LRRC8B: variants seen among roughly 807,000 people sequenced by gnomAD.
LRRC8B encodes volume-regulated anion channel subunit LRRC8B.
LRRC8B carries 23 observed loss-of-function variants against 58.8 expected under a neutral mutation model. The ratio of observed to expected loss-of-function variants is 0.39; its 90% CI spans 0.28 to 0.55. The LOEUF (loss-of-function observed/expected upper bound fraction) is 0.55, where lower values mean the gene tolerates loss of function less well. LRRC8B is among the 20% of genes least tolerant of loss of function. The pLI is 0.62. For missense variants in LRRC8B, 694 were observed against 936.0 expected (o/e 0.74, Z 3.37); for synonymous variants, 359 against 374.1 (o/e 0.96, Z 0.47).
At chr1:89,535,669 C>A (rs1254868032) in intron 1 of LRRC8B, among the ~76,000 whole-genome samples, 1 of 152,060 alleles carries the variant, frequency 6.6e-6, no homozygotes, top group African/African-American at 2.4e-5. Context: ...GTACACAATT[C>A]TTTGATACCC....
chr1:89,560,866 T>C (rs1570601792), intron 1 of LRRC8B, among the ~76,000 whole-genome samples: 2 of 152,252 alleles, frequency 1.3e-5, no homozygotes, highest in African/African-American at 4.8e-5. Context: ...TGTGTCTTTA[T>C]AGCAGCATGA....
intron 1 of LRRC8B, among the ~76,000 whole-genome samples, chr1:89,567,464 A>G (rs1653127719): frequency 6.6e-6 from 1 of 152,244 alleles, no homozygotes; most frequent in South Asian, 2.1e-4. Flanking sequence ...AATGTTAAAT[A>G]GGAGAGAGGA....
intron 4 of LRRC8B, among the ~76,000 whole-genome samples, chr1:89,582,195 C>A (rs560308958): frequency 4.7e-5 from 7 of 148,936 alleles, no homozygotes; most frequent in African/African-American, 1.5e-4. Context: ...AGTCTGAGGC[C>A]TGTGAGACCC....
intron 1 of LRRC8B, among the ~76,000 whole-genome samples, chr1:89,559,603 CA>C (rs1204800773): frequency 0.033 from 4,392 of 131,194 alleles, 226 homozygotes; most frequent in African/African-American, 0.11. Flanking sequence ...GACCCTGTCT[CA>C]AAAAAAAAAA....
chr1:89,573,375 CAG>C (rs1337959121), intron 3 of LRRC8B, among the ~76,000 whole-genome samples: 3 of 151,104 alleles, frequency 2.0e-5, no homozygotes, highest in Non-Finnish European at 4.4e-5. Context: ...TTAATTCACT[CAG>C]TAACTTTTTT....
intron 3 of LRRC8B, among the ~76,000 whole-genome samples, chr1:89,572,819 A>G (rs529265934): frequency 2.6e-4 from 40 of 152,236 alleles, no homozygotes; most frequent in Non-Finnish European, 5.7e-4. Flanking sequence ...TGTTAATATT[A>G]CAAGAATATG....
chr1:89,579,203 A>G (rs898092359), intron 3 of LRRC8B, among the ~76,000 whole-genome samples: 1 of 152,236 alleles, frequency 6.6e-6, no homozygotes, highest in African/African-American at 2.4e-5. Flanking sequence ...TACTTAGAAA[A>G]GCTGTGTTCA....
rs765404472 is a variant in LRRC8B, at chr1:89,584,404, T to G, written c.1754T>G (p.Val585Gly). 9.3e-6 allele frequency: 15 copies of G among 1,613,978 alleles called. No homozygotes were observed. Among genetic ancestry groups the G allele is most frequent in the Non-Finnish European group, 1.0e-5 (12 of 1,180,036 alleles). The change falls in exon 5 of 6, where the codon GTC becomes GGC. Residue 585 changes from valine (V) to glycine (G), a missense_variant. By Grantham distance (109) the Val-to-Gly change is moderately radical. Coordinates refer to ENST00000330947, the MANE Select transcript of LRRC8B (RefSeq NM_001369817.2). ...GTGTTGAACAACTTGAAAAAGATGG[T>G]CAATCTGAAAAGCCTAGAACTGATC... ...LVVLNNLKKMVNLKSLELISC... is the reference protein window; with the variant it reads ...LVVLNNLKKMGNLKSLELISC...
In LRRC8B at chr1:89,582,960, T is replaced by A; in HGVS notation, c.310T>A (p.Tyr104Asn). 6.2e-7 allele frequency: 1 copy of A among 1,614,234 alleles called. No individual in the cohort carries two copies. Among genetic ancestry groups the A allele is most frequent in the Non-Finnish European group, 8.5e-7 (1 of 1,180,038 alleles). ...QNDLHRQQYSYIDAVCYEKQL... is the reference protein window; with the variant it reads ...QNDLHRQQYSNIDAVCYEKQL... ...TGACCTCCACCGACAGCAGTACTCC[T>A]ATATTGATGCCGTCTGTTACGAGAA... Residue 104 changes from tyrosine to asparagine, a missense_variant, in exon 5 of 6, where the codon TAT (tyrosine) becomes AAT (asparagine). Coordinates refer to ENST00000330947, the MANE Select transcript of LRRC8B (RefSeq NM_001369817.2).
intron 1 of LRRC8B, among the ~76,000 whole-genome samples, chr1:89,562,689 T>G (rs1652771994): frequency 6.6e-6 from 1 of 152,152 alleles, no homozygotes; most frequent in African/African-American, 2.4e-5. Context: ...CAAGCTAGTC[T>G]CAAACTCCTG....
rs1442568909 is a variant in LRRC8B, at chr1:89,539,845, C to CT, written c.-241+14825dup. On this transcript the variant is annotated intron_variant, in intron 1 of 5. Transcript: ENST00000330947. ...AAAAATAAATCTGGATTACTAATAA[C>CT]TTGCAATATTTGCTCCTGGCCATTG... Among the ~76,000 whole-genome samples, 10 of 152,296 alleles carry CT rather than the reference C, an allele frequency of 6.6e-5. No individual in the cohort carries two copies. In the East Asian group the frequency reaches 1.7e-3, roughly 26 times the overall value.
chr1:89,546,143 T>C (rs1039490831), intron 1 of LRRC8B, among the ~76,000 whole-genome samples: 3 of 152,152 alleles, frequency 2.0e-5, no homozygotes, highest in Non-Finnish European at 2.9e-5. Context: ...ATAGAGAGCA[T>C]GTTCAAAGGC....
At chr1:89,592,215 T>C (rs577127914) in intron 5 of LRRC8B, among the ~76,000 whole-genome samples, 1 of 152,278 alleles carries the variant, frequency 6.6e-6, no homozygotes, top group East Asian at 1.9e-4. Context: ...CAGGTGTATG[T>C]GTATGTAGAG....
intron 1 of LRRC8B, among the ~76,000 whole-genome samples, chr1:89,526,311 T>A (rs1413448225): frequency 1.4e-4 from 21 of 152,124 alleles, no homozygotes; most frequent in Admixed American, 1.4e-3. Context: ...ACCTCCTGGG[T>A]TCAAGTGATT....
chr1:89,542,712 A>T (rs1224118109), intron 1 of LRRC8B, among the ~76,000 whole-genome samples: 2 of 152,252 alleles, frequency 1.3e-5, no homozygotes, highest in African/African-American at 4.8e-5. Context: ...AGAAAATCTC[A>T]TGGGGTTGTT....
At chr1:89,525,441 G>A (rs1167735717) in intron 1 of LRRC8B, among the ~76,000 whole-genome samples, 1 of 152,232 alleles carries the variant, frequency 6.6e-6, no homozygotes, top group Non-Finnish European at 1.5e-5. Flanking sequence ...CTCCCCTGAG[G>A]GTGCCCCCAT....
intron 1 of LRRC8B, among the ~76,000 whole-genome samples, chr1:89,540,146 A>G (rs1419797246): frequency 1.3e-5 from 2 of 152,192 alleles, no homozygotes; most frequent in Non-Finnish European, 2.9e-5. Flanking sequence ...CTGGACAATT[A>G]TTTTTAAGTT....
chr1:89,592,426 T>C (rs1655044011), intron 5 of LRRC8B, among the ~76,000 whole-genome samples: 1 of 152,182 alleles, frequency 6.6e-6, no homozygotes, highest in African/African-American at 2.4e-5. Flanking sequence ...CAAGAGTAAT[T>C]ATGATTTTTC....
At chr1:89,545,926 G>A (rs1187936309) in intron 1 of LRRC8B, among the ~76,000 whole-genome samples, 4 of 152,176 alleles carry the variant, frequency 2.6e-5, no homozygotes, top group South Asian at 2.1e-4. Flanking sequence ...CGGATGAAAC[G>A]ATACATCCAG....
Sources: allele counts gnomAD v4.1 joint callset (sites outside exome capture counted in the v4.1 genomes callset), GRCh38; gene constraint gnomAD v4.1.1; transcripts MANE v1.5; gene names NCBI Gene and HGNC (gene_info 2026-07-23, HGNC 2026-07-21).